Variants in BAALC observed in about 807,000 individuals in gnomAD.
The protein encoded by BAALC is brain and acute leukemia cytoplasmic protein.
A neutral mutation model predicts 15.5 loss-of-function variants in BAALC; 9 were observed. The ratio of observed to expected loss-of-function variants is 0.58; its 90% CI spans 0.35 to 1.02. The LOEUF is 1.02. Among genes scored for constraint, BAALC ranks in the 50% least tolerant of loss-of-function variants. The pLI, the probability that BAALC is intolerant of heterozygous loss-of-function variation, is 0.02. For missense variants in BAALC, 201 were observed against 192.4 expected (o/e 1.04, Z -0.27); for synonymous variants, 80 against 74.6 (o/e 1.07, Z -0.37).
intron 1 of BAALC, among the ~76,000 whole-genome samples, chr8:103,186,673 T>C (rs1586412104): frequency 6.6e-6 from 1 of 152,194 alleles, no homozygotes; most frequent in East Asian, 1.9e-4. Flanking sequence ...TCTCTCAGTA[T>C]GAGCCTCCCA....
intron 1 of BAALC, among the ~76,000 whole-genome samples, chr8:103,186,784 T>G (rs1811847467): frequency 6.6e-6 from 1 of 152,216 alleles, no homozygotes; most frequent in Non-Finnish European, 1.5e-5. Flanking sequence ...GTAAATGAAC[T>G]TGTGACTAAG....
intron 1 of BAALC, among the ~76,000 whole-genome samples, chr8:103,167,013 G>A (rs1038223339): frequency 4.6e-5 from 7 of 152,150 alleles, no homozygotes; most frequent in Non-Finnish European, 1.0e-4. Flanking sequence ...GAAATGGAAC[G>A]CTTTGCCTTC....
At chr8:103,211,046 TC>T (rs1326370510) in intron 1 of BAALC, among the ~76,000 whole-genome samples, 1 of 152,202 alleles carries the variant, frequency 6.6e-6, no homozygotes, top group African/African-American at 2.4e-5. Flanking sequence ...CTTAAGCTGT[TC>T]TTGATATCAC....
At chr8:103,143,132 G>A (rs1810818784) in intron 1 of BAALC, among the ~76,000 whole-genome samples, 1 of 152,146 alleles carries the variant, frequency 6.6e-6, no homozygotes, top group Non-Finnish European at 1.5e-5. Context: ...GGGCCTTTGG[G>A]AATGGCTTGA....
chr8:103,182,615 T>A (rs1811752360), intron 1 of BAALC, among the ~76,000 whole-genome samples: 1 of 152,236 alleles, frequency 6.6e-6, no homozygotes, highest in Non-Finnish European at 1.5e-5. Flanking sequence ...GAAGTCCTGA[T>A]AGTAGAGACC....
chr8:103,194,686 C>G (rs1812050600), intron 1 of BAALC, among the ~76,000 whole-genome samples: 1 of 152,194 alleles, frequency 6.6e-6, no homozygotes, highest in Admixed American at 6.5e-5. Context: ...GTTCTAGAGG[C>G]TGGAAAGTCC....
At chr8:103,146,885 T>G (rs930954559) in intron 1 of BAALC, among the ~76,000 whole-genome samples, 2 of 152,172 alleles carry the variant, frequency 1.3e-5, no homozygotes, top group African/African-American at 4.8e-5. Context: ...CTGGGCAGAG[T>G]ATCATGTTGT....
chr8:103,184,147 G>A (rs1002047655), intron 1 of BAALC, among the ~76,000 whole-genome samples: 1 of 152,124 alleles, frequency 6.6e-6, no homozygotes, highest in African/African-American at 2.4e-5. Context: ...TCTCCTTTGA[G>A]TCTCTCTCTT....
At chr8:103,223,851 T>C (rs1163053660) in intron 2 of BAALC, among the ~76,000 whole-genome samples, 2 of 152,206 alleles carry the variant, frequency 1.3e-5, no homozygotes, top group Non-Finnish European at 2.9e-5. Flanking sequence ...GTTTGGAACA[T>C]TTCCATTTCC....
chr8:103,225,230 T>C (rs1812778074), intron 2 of BAALC, among the ~76,000 whole-genome samples: 1 of 152,198 alleles, frequency 6.6e-6, no homozygotes, highest in Non-Finnish European at 1.5e-5. Context: ...TTCATTCACT[T>C]ATTCAAACAA....
chr8:103,188,014 T>C (rs889172980), intron 1 of BAALC, among the ~76,000 whole-genome samples: 1 of 152,184 alleles, frequency 6.6e-6, no homozygotes, highest in Non-Finnish European at 1.5e-5. Context: ...ACAAAGAATT[T>C]GTTAATTTGT....
intron 1 of BAALC, among the ~76,000 whole-genome samples, chr8:103,205,390 G>T (rs983721906): frequency 1.3e-5 from 2 of 152,138 alleles, no homozygotes; most frequent in Non-Finnish European, 2.9e-5. Flanking sequence ...TGAAAATTTT[G>T]TGAAGGGTGT....
chr8:103,227,394 G>A (rs1053816741), intron 2 of BAALC, among the ~76,000 whole-genome samples: 1 of 152,072 alleles, frequency 6.6e-6, no homozygotes, highest in African/African-American at 2.4e-5. Flanking sequence ...TACCTTCCAG[G>A]GGGACTCCCT....
chr8:103,178,641 A>G (rs1216567305), intron 1 of BAALC, among the ~76,000 whole-genome samples: 25 of 152,058 alleles, frequency 1.6e-4, no homozygotes, highest in Admixed American at 6.5e-5. Context: ...GGCGGATCAC[A>G]AGGTCAGAAG....
At chr8:103,200,658 T>C in intron 1 of BAALC, 1 of 693,002 alleles carries the variant, frequency 1.4e-6, no homozygotes, top group Non-Finnish European at 2.6e-6. Flanking sequence ...TTTCTCACAG[T>C]TCTGGAGGCT....
At chr8:103,178,849 T>C (rs13275933) in intron 1 of BAALC, among the ~76,000 whole-genome samples, 54,859 of 145,798 alleles carry the variant, frequency 0.38, 10,904 homozygotes, top group South Asian at 0.51. Flanking sequence ...GGATACAGAG[T>C]GAGACTCTGT....
At chr8:103,194,801 C>T (rs1422803892) in intron 1 of BAALC, among the ~76,000 whole-genome samples, 1 of 152,126 alleles carries the variant, frequency 6.6e-6, no homozygotes. Flanking sequence ...GCAAAAAGGG[C>T]ACAAATGCTG....
At chr8:103,180,005 G>C (rs911787702) in intron 1 of BAALC, among the ~76,000 whole-genome samples, 2 of 152,206 alleles carry the variant, frequency 1.3e-5, no homozygotes, top group Middle Eastern at 3.2e-3. Flanking sequence ...AGGCCCAAAA[G>C]TGAATCTGCC....
At chr8:103,213,269 G>T in intron 2 of BAALC, 184 bp downstream of exon 2, 1 of 606,404 alleles carries the variant, frequency 1.6e-6, no homozygotes, top group East Asian at 2.8e-5. Context: ...CTGCCTTGAG[G>T]GTTGCTGCTT....
Sources: gnomAD v4.1 joint callset for allele counts (sites outside exome capture counted in the v4.1 genomes callset) on GRCh38, gnomAD v4.1.1 for gene constraint, MANE v1.5 for transcripts, NCBI Gene and HGNC (gene_info 2026-07-23, HGNC 2026-07-21) for gene names.